The following SPOCK3 variants were observed in gnomAD, a reference collection of about 807,000 sequenced individuals.
SPOCK3 encodes the protein testican-3.
SPOCK3 carries 30 observed loss-of-function variants against 56.6 expected under a neutral mutation model. The ratio of observed to expected loss-of-function variants is 0.53; its 90% CI spans 0.40 to 0.72. SPOCK3 has a LOEUF of 0.72. SPOCK3 is among the 30% of genes least tolerant of loss of function. The pLI, the probability that SPOCK3 is intolerant of heterozygous loss-of-function variation, is 0.00. For missense variants in SPOCK3, 527 were observed against 530.0 expected (o/e 0.99, Z 0.06); for synonymous variants, 196 against 183.3 (o/e 1.07, Z -0.56).
chr4:166,765,436 A>G, intron 7 of SPOCK3, among the ~76,000 whole-genome samples: 1 of 152,170 alleles, frequency 6.6e-6, no homozygotes, highest in East Asian at 1.9e-4. Flanking sequence ...CCATTTATTA[A>G]AAAGGGAATC....
intron 7 of SPOCK3, among the ~76,000 whole-genome samples, chr4:166,782,943 G>A (rs1168259970): frequency 1.3e-5 from 2 of 152,196 alleles, no homozygotes; most frequent in African/African-American, 4.8e-5. Flanking sequence ...GCAACACAAT[G>A]AAGTGTTAAA....
chr4:167,221,107 G>A (rs1213185114), intron 2 of SPOCK3, among the ~76,000 whole-genome samples: 6 of 151,784 alleles, frequency 4.0e-5, no homozygotes, highest in Admixed American at 3.3e-4. Context: ...CACCTGTAAC[G>A]CCAACACTCT....
intron 6 of SPOCK3, among the ~76,000 whole-genome samples, chr4:166,837,094 G>A (rs1342115525): frequency 6.6e-6 from 1 of 152,174 alleles, no homozygotes; most frequent in African/African-American, 2.4e-5. Flanking sequence ...TAAGTGCCCA[G>A]AGAGGACTTT....
intron 5 of SPOCK3, among the ~76,000 whole-genome samples, chr4:166,909,063 A>G (rs560979055): frequency 1.4e-4 from 21 of 152,260 alleles, no homozygotes; most frequent in African/African-American, 4.8e-4. Context: ...ATTTTTCTTA[A>G]CAGGAAAAAA....
intron 3 of SPOCK3, among the ~76,000 whole-genome samples, chr4:167,014,765 TCA>T (rs145127893): frequency 6.7e-5 from 10 of 149,496 alleles, no homozygotes; most frequent in Non-Finnish European, 8.9e-5. Flanking sequence ...ATACACACAC[TCA>T]CACACACACA....
chr4:166,928,571 T>A (rs1238927442), intron 4 of SPOCK3, among the ~76,000 whole-genome samples: 1 of 152,180 alleles, frequency 6.6e-6, no homozygotes, highest in Non-Finnish European at 1.5e-5. Context: ...AGACTTTTAG[T>A]GGAGTGAAAC....
At chr4:166,983,607 C>T (rs915155845) in intron 4 of SPOCK3, among the ~76,000 whole-genome samples, 1 of 151,926 alleles carries the variant, frequency 6.6e-6, no homozygotes, top group Non-Finnish European at 1.5e-5. Context: ...GTATATTTTT[C>T]AATAGCTAGA....
chr4:167,205,165 A>T (rs1207319314), intron 2 of SPOCK3, among the ~76,000 whole-genome samples: 4 of 110,318 alleles, frequency 3.6e-5, no homozygotes, highest in African/African-American at 7.0e-5. Flanking sequence ...TATATATATA[A>T]TATATATTAT....
intron 2 of SPOCK3, among the ~76,000 whole-genome samples, chr4:167,115,600 T>G (rs992684441): frequency 6.6e-6 from 1 of 151,840 alleles, no homozygotes; most frequent in African/African-American, 2.4e-5. Flanking sequence ...TGTTGGGGAA[T>G]AGAAACAAAC....
Position 166,945,199 on chromosome 4 carries a change from A to G in SPOCK3, c.351-32456T>C, listed in dbSNP as rs150911321. On this transcript the variant is annotated intron_variant, in intron 4 of 10. Coordinates refer to ENST00000357545, the MANE Select transcript of SPOCK3 (RefSeq NM_001040159.2). ...GGATGATATTTAGAAACCAAGACCTATGAACCAGGTATACTCATTACAATT... is the reference window on the plus strand; with the variant it reads ...GGATGATATTTAGAAACCAAGACCTGTGAACCAGGTATACTCATTACAATT... 6.3e-4 allele frequency among the ~76,000 whole-genome samples: 96 copies of G among 152,312 alleles called. 3 individuals carry two copies. In the East Asian group the frequency reaches 9.7e-3, roughly 15 times the overall value.
At chr4:166,840,856 G>C (rs1747201090) in intron 6 of SPOCK3, among the ~76,000 whole-genome samples, 1 of 140,914 alleles carries the variant, frequency 7.1e-6, no homozygotes, top group Non-Finnish European at 1.5e-5. Flanking sequence ...TCGGGTCACT[G>C]CAAGGTCCGC....
intron 4 of SPOCK3, among the ~76,000 whole-genome samples, chr4:166,952,821 C>G (rs1035922940): frequency 2.0e-5 from 3 of 152,056 alleles, no homozygotes; most frequent in Non-Finnish European, 4.4e-5. Context: ...CTGAGAAAAA[C>G]AAGCAATGGG....
chr4:167,046,447 A>AT (rs1753730807), intron 3 of SPOCK3, among the ~76,000 whole-genome samples: 6 of 73,174 alleles, frequency 8.2e-5, no homozygotes, highest in African/African-American at 1.2e-4. Flanking sequence ...TCTTTCTGAT[A>AT]TTCTTTTTTT....
At chr4:166,788,615 C>T (rs1218108736) in intron 7 of SPOCK3, among the ~76,000 whole-genome samples, 3 of 151,534 alleles carry the variant, frequency 2.0e-5, no homozygotes, top group African/African-American at 7.2e-5. Flanking sequence ...TTATTTACTA[C>T]AAAATGCTGA....
intron 2 of SPOCK3, chr4:167,119,757 T>C (rs1240206827): frequency 7.2e-7 from 1 of 1,390,724 alleles, no homozygotes; most frequent in South Asian, 1.2e-5. Flanking sequence ...TGCTACCCAC[T>C]ATTTCACGTT....
intron 6 of SPOCK3, among the ~76,000 whole-genome samples, chr4:166,840,036 T>C (rs931958218): frequency 6.6e-6 from 1 of 152,266 alleles, no homozygotes; most frequent in African/African-American, 2.4e-5. Flanking sequence ...GAACTGAGAT[T>C]GGTGGCCCAG....
intron 2 of SPOCK3, among the ~76,000 whole-genome samples, chr4:167,179,105 A>T (rs945378699): frequency 6.6e-6 from 1 of 152,300 alleles, no homozygotes; most frequent in Non-Finnish European, 1.5e-5. Flanking sequence ...TATTTTTATC[A>T]GAGTCCTGGA....
chr4:167,015,312 G>A lies in SPOCK3; in HGVS notation c.236-14849C>T, dbSNP rs116298286. On this transcript the variant is annotated intron_variant, in intron 3 of 10. Coordinates refer to ENST00000357545, the MANE Select transcript of SPOCK3 (RefSeq NM_001040159.2). The stretch of plus-strand genomic sequence containing the variant: ...CTAAATACTCTAAAAATGAAAAGAG[G>A]CTTTATATATGCCCAGACTTTTAAA... 8.5e-3 allele frequency among the ~76,000 whole-genome samples: 1,290 copies of A among 152,138 alleles called. 19 individuals carry two copies. The highest frequency in any genetic ancestry group is 0.029 in the African/African-American group (1,215 of 41,524).
rs186250939 is a variant in SPOCK3, at chr4:166,992,696, A to C, written c.350+7653T>G. On this transcript the variant is annotated intron_variant, in intron 4 of 10. Coordinates refer to ENST00000357545, the MANE Select transcript of SPOCK3 (RefSeq NM_001040159.2). The stretch of plus-strand genomic sequence containing the variant: ...TAAGAGATATTAAGGTCCATCCAAA[A>C]TACTTCTTTAAAAGTAACCTTCATT... 8.0e-4 allele frequency among the ~76,000 whole-genome samples: 119 copies of C among 149,358 alleles called. 2 individuals are homozygous for C. In the Middle Eastern group the frequency reaches 0.01, roughly 13 times the overall value.
Sources: gnomAD v4.1 joint callset for allele counts (sites outside exome capture counted in the v4.1 genomes callset) on GRCh38, gnomAD v4.1.1 for gene constraint, MANE v1.5 for transcripts, NCBI Gene and HGNC (gene_info 2026-07-23, HGNC 2026-07-21) for gene names.